SNX29: variants seen among roughly 807,000 people sequenced by gnomAD.
SNX29 encodes sorting nexin-29.
In SNX29, 78 loss-of-function variants were observed where a neutral mutation model predicts 102.1. The ratio of observed to expected loss-of-function variants is 0.76; its 90% CI spans 0.64 to 0.92. SNX29 has a LOEUF of 0.92. Ranked by LOEUF, SNX29 falls within the 40% of genes least tolerant of loss-of-function variation. The pLI, the probability that SNX29 is intolerant of heterozygous loss-of-function variation, is 0.00. For synonymous variants in SNX29, 580 were observed against 414.5 expected (o/e 1.40, Z -4.85); for missense variants, 1,280 against 1,061.7 (o/e 1.21, Z -2.86).
At chr16:12,150,550 AGAGT>A (rs1172872080) in intron 13 of SNX29, among the ~76,000 whole-genome samples, 1 of 152,220 alleles carries the variant, frequency 6.6e-6, no homozygotes, top group Non-Finnish European at 1.5e-5. Flanking sequence ...GACCTTTTGA[AGAGT>A]GAGTCTGCAT....
intron 19 of SNX29, among the ~76,000 whole-genome samples, chr16:12,511,802 G>T (rs964748568): frequency 9.9e-5 from 15 of 151,968 alleles, no homozygotes; most frequent in African/African-American, 3.6e-4. Context: ...GTAAGATCTC[G>T]AAAGCAATGG....
chr16:12,555,519 G>C (rs1013150566), intron 20 of SNX29, among the ~76,000 whole-genome samples: 1 of 151,516 alleles, frequency 6.6e-6, no homozygotes, highest in African/African-American at 2.4e-5. Flanking sequence ...TGACTGGACA[G>C]CGCCCCTGCT....
At chr16:12,136,582 C>A (rs1259608667) in intron 13 of SNX29, among the ~76,000 whole-genome samples, 1 of 152,226 alleles carries the variant, frequency 6.6e-6, no homozygotes, top group Non-Finnish European at 1.5e-5. Flanking sequence ...CTCCATCTTC[C>A]CTTGGCGCCG....
chr16:12,032,327 C>T (rs1319157190), intron 4 of SNX29, among the ~76,000 whole-genome samples: 4 of 151,756 alleles, frequency 2.6e-5, no homozygotes, highest in African/African-American at 9.7e-5. Context: ...CCTGCCTCAG[C>T]CTCCCAAGTA....
At chr16:12,547,202 C>T (rs568030747) in intron 20 of SNX29, among the ~76,000 whole-genome samples, 5 of 152,252 alleles carry the variant, frequency 3.3e-5, no homozygotes, top group Admixed American at 6.5e-5. Context: ...ATAGTTTGAC[C>T]CGAAGTGGAG....
At chr16:12,226,563 G>T in intron 14 of SNX29, among the ~76,000 whole-genome samples, 1 of 148,510 alleles carries the variant, frequency 6.7e-6, no homozygotes, top group East Asian at 2.0e-4. Context: ...GAAGGGCGTG[G>T]ACTGAGCCTT....
intron 18 of SNX29, among the ~76,000 whole-genome samples, chr16:12,451,442 G>A (rs771631881): frequency 1.2e-4 from 19 of 152,296 alleles, no homozygotes; most frequent in South Asian, 2.1e-4. Context: ...TTAATGATCC[G>A]GTGGCTGCCC....
intron 18 of SNX29, among the ~76,000 whole-genome samples, chr16:12,448,444 T>C (rs2086160650): frequency 2.0e-5 from 3 of 150,020 alleles, no homozygotes; most frequent in African/African-American, 7.4e-5. Flanking sequence ...GTGCAGATTA[T>C]TAAATTGTTC....
chr16:12,069,967 C>T (rs1335940562), intron 10 of SNX29, among the ~76,000 whole-genome samples: 4 of 152,174 alleles, frequency 2.6e-5, no homozygotes, highest in South Asian at 4.1e-4. Flanking sequence ...CCACCGTGCC[C>T]GGCCTGTTAT....
intron 15 of SNX29, among the ~76,000 whole-genome samples, chr16:12,318,339 T>C (rs2080820350): frequency 6.6e-6 from 1 of 152,222 alleles, no homozygotes; most frequent in African/African-American, 2.4e-5. Flanking sequence ...CTCAAAATTT[T>C]CTCTGGGTAT....
At chr16:12,501,399 A>G (rs79500895) in intron 19 of SNX29, among the ~76,000 whole-genome samples, 71 of 151,688 alleles carry the variant, frequency 4.7e-4, no homozygotes, top group African/African-American at 1.6e-3. Context: ...GTGAAACGCT[A>G]TCTCTTTAAA....
chr16:12,489,382 C>G (rs1305460771), intron 19 of SNX29, among the ~76,000 whole-genome samples: 5 of 152,188 alleles, frequency 3.3e-5, no homozygotes, highest in Admixed American at 2.0e-4. Flanking sequence ...GAGGAATCCT[C>G]TCCCTTTCTC....
chr16:12,113,791 C>T (rs190151659), intron 11 of SNX29, among the ~76,000 whole-genome samples: 20 of 152,322 alleles, frequency 1.3e-4, no homozygotes, highest in East Asian at 1.9e-4. Context: ...ATTTGGCCGG[C>T]GAGCGGCCAG....
intron 15 of SNX29, among the ~76,000 whole-genome samples, chr16:12,317,253 C>A (rs1300453792): frequency 6.6e-6 from 1 of 152,186 alleles, no homozygotes. Context: ...GTCACTCCCT[C>A]CAGAGACACA....
chr16:12,246,454 A>G lies in SNX29; in HGVS notation c.1679-31479A>G, dbSNP rs559959253. Among the ~76,000 whole-genome samples, 15 of 152,254 alleles carry G rather than the reference A, an allele frequency of 9.9e-5. No homozygotes were observed. In the East Asian group the frequency reaches 2.9e-3, roughly 29 times the overall value. ...TCAGGAGTTTGAGACCAGCCTGGCC[A>G]ATGTGGTGAAACCCCATCTCTCTTA... On this transcript the variant is annotated intron_variant, in intron 14 of 20. Coordinates refer to ENST00000566228, the MANE Select transcript of SNX29 (RefSeq NM_032167.5).
At chr16:12,032,813 C>G (rs1011130847) in intron 4 of SNX29, among the ~76,000 whole-genome samples, 4 of 151,902 alleles carry the variant, frequency 2.6e-5, no homozygotes, top group Non-Finnish European at 5.9e-5. Context: ...GATCCATTTT[C>G]TCCACCATCC....
At chr16:12,087,676 C>T in intron 11 of SNX29, 1 of 363,094 alleles carries the variant, frequency 2.8e-6, no homozygotes, top group South Asian at 2.0e-5. Flanking sequence ...TGAAGTTATC[C>T]TGGGCTTTAC....
chr16:12,054,254 C>G (rs1424587288), intron 8 of SNX29, among the ~76,000 whole-genome samples: 2 of 152,268 alleles, frequency 1.3e-5, no homozygotes, highest in African/African-American at 2.4e-5. Flanking sequence ...GCATGAGCCA[C>G]TGTGCCCAGC....
intron 15 of SNX29, among the ~76,000 whole-genome samples, chr16:12,283,005 A>G (rs1035474427): frequency 6.6e-6 from 1 of 152,210 alleles, no homozygotes; most frequent in Non-Finnish European, 1.5e-5. Flanking sequence ...AGAAAGGATT[A>G]GATAGCTAAT....
Sources: allele counts gnomAD v4.1 joint callset (sites outside exome capture counted in the v4.1 genomes callset), GRCh38; gene constraint gnomAD v4.1.1; transcripts MANE v1.5; gene names NCBI Gene and HGNC (gene_info 2026-07-23, HGNC 2026-07-21).